The following DPP6 variants were observed in gnomAD, a reference collection of about 807,000 sequenced individuals.
The protein encoded by DPP6 is dipeptidyl peptidase like 6.
Under a neutral mutation model 122.6 loss-of-function variants are expected in DPP6, and 69 were observed. That is an observed-to-expected ratio of 0.56 (90% confidence interval 0.46 to 0.69). The LOEUF (loss-of-function observed/expected upper bound fraction) is 0.69, where lower values mean the gene tolerates loss of function less well. DPP6 is among the 30% of genes least tolerant of loss of function. The probability of loss-of-function intolerance (pLI) is 0.00; values close to 1 mark genes in which losing one functional copy is unlikely to be tolerated. For synonymous variants in DPP6, 418 were observed against 433.1 expected (o/e 0.97, Z 0.43); for missense variants, 928 against 1,116.9 (o/e 0.83, Z 2.41).
intron 5 of DPP6, among the ~76,000 whole-genome samples, chr7:154,608,339 A>AT: frequency 8.4e-6 from 1 of 118,778 alleles, no homozygotes; most frequent in South Asian, 3.1e-4. Context: ...ATATATATAT[A>AT]TATTTTGAGA....
chr7:154,530,966 G>T (rs1396088023), intron 3 of DPP6, among the ~76,000 whole-genome samples: 1 of 152,110 alleles, frequency 6.6e-6, no homozygotes, highest in African/African-American at 2.4e-5. Context: ...TGGACACATT[G>T]CAGGGAACAA....
chr7:154,342,973 A>G (rs1357036631), intron 1 of DPP6, among the ~76,000 whole-genome samples: 1 of 152,238 alleles, frequency 6.6e-6, no homozygotes, highest in Non-Finnish European at 1.5e-5. Flanking sequence ...TCCAGTGGCC[A>G]ATATTGATGT....
chr7:154,290,240 C>G (rs919187413), intron 1 of DPP6, among the ~76,000 whole-genome samples: 1 of 152,186 alleles, frequency 6.6e-6, no homozygotes, highest in South Asian at 2.1e-4. Flanking sequence ...AACATGTTCT[C>G]TCAATGATAC....
chr7:154,440,688 TAGA>T (rs1419435633), intron 1 of DPP6, among the ~76,000 whole-genome samples: 7 of 152,246 alleles, frequency 4.6e-5, no homozygotes, highest in African/African-American at 1.7e-4. Context: ...GGCTGCCTGA[TAGA>T]AGAAGAGATT....
rs1174414096 is a variant in DPP6, at chr7:154,638,965, C to G, written c.680+1092C>G. The stretch of plus-strand genomic sequence containing the variant: ...AGGTTGATAAAGAAACTGAATTGTG[C>G]TGCAGATAGTGTCATGTAGGCTCCT... On this transcript the variant is annotated intron_variant, in intron 6 of 25. Coordinates refer to ENST00000377770, the MANE Select transcript of DPP6 (RefSeq NM_130797.4). 4.6e-5 allele frequency among the ~76,000 whole-genome samples: 7 copies of G among 152,180 alleles called. No individual in the cohort carries two copies. The East Asian group carries it at 1.2e-3, about 25-fold the overall frequency.
intron 1 of DPP6, among the ~76,000 whole-genome samples, chr7:154,068,389 G>T (rs1450802935): frequency 1.4e-5 from 2 of 147,948 alleles, no homozygotes; most frequent in Non-Finnish European, 3.0e-5. Context: ...TGGCCTCAGG[G>T]AAGGCCTGGA....
At chr7:154,148,593 A>G (rs1329876389) in intron 1 of DPP6, among the ~76,000 whole-genome samples, 1 of 152,042 alleles carries the variant, frequency 6.6e-6, no homozygotes, top group Non-Finnish European at 1.5e-5. Flanking sequence ...TGCAGTGGGC[A>G]CTCTCCTGGC....
chr7:154,115,194 C>A (rs979630017), intron 1 of DPP6, among the ~76,000 whole-genome samples: 1 of 152,156 alleles, frequency 6.6e-6, no homozygotes, highest in African/African-American at 2.4e-5. Context: ...CCTTTGTGCC[C>A]TCAAAGGCAA....
At chr7:154,034,803 A>G (rs1414887045) in intron 1 of DPP6, among the ~76,000 whole-genome samples, 7 of 150,208 alleles carry the variant, frequency 4.7e-5, no homozygotes, top group Non-Finnish European at 7.4e-5. Flanking sequence ...CTTCCCTTCT[A>G]TCACTGACTC....
At position 154,483,867 on chromosome 7, in the gene DPP6, GTATTTT is replaced by G. The variant is rs1823555234; in HGVS notation, c.457+8833_457+8838del. Among the ~76,000 whole-genome samples, 1 of 152,114 alleles carries G rather than the reference GTATTTT, an allele frequency of 6.6e-6. No homozygotes were observed. The highest frequency in any genetic ancestry group is 6.5e-5 in the Admixed American group (1 of 15,274). ...ACACCATCACGCCTAGCTAATTTTT[GTATTTT>G]TAGCAGAGACAGGGTTTCCCCATAT... On this transcript the variant is annotated intron_variant, in intron 3 of 25. Transcript: ENST00000377770. The surrounding 1 kb of genome is among the most constrained non-coding windows in gnomAD (Gnocchi z 8.1).
intron 5 of DPP6, among the ~76,000 whole-genome samples, chr7:154,634,195 T>C (rs973202464): frequency 2.5e-5 from 3 of 118,998 alleles, no homozygotes; most frequent in Non-Finnish European, 4.9e-5. Context: ...TGGTGTGTGA[T>C]TTTCCCCTTC....
intron 4 of DPP6, among the ~76,000 whole-genome samples, chr7:154,549,593 T>C (rs922872746): frequency 6.6e-6 from 1 of 152,188 alleles, no homozygotes; most frequent in African/African-American, 2.4e-5. Flanking sequence ...TTCCCTCTTT[T>C]GATTAAAAAA....
intron 1 of DPP6, among the ~76,000 whole-genome samples, chr7:154,364,234 G>A (rs558604813): frequency 6.6e-6 from 1 of 152,234 alleles, no homozygotes; most frequent in East Asian, 1.9e-4. Context: ...AAGTGGCATA[G>A]TACATCATTT....
At chr7:154,754,622 C>T (rs1217950420) in intron 8 of DPP6, among the ~76,000 whole-genome samples, 1 of 152,210 alleles carries the variant, frequency 6.6e-6, no homozygotes, top group Non-Finnish European at 1.5e-5. Context: ...AAGTCAGTCT[C>T]AGTATAATTG....
chr7:153,841,065 C>T, the DPP6 span, among the ~76,000 whole-genome samples: 1 of 152,176 alleles, frequency 6.6e-6, no homozygotes, highest in African/African-American at 2.4e-5. Flanking sequence ...GCCCCAACCC[C>T]AGCACCTGTC....
At chr7:154,890,980 C>G (rs1347632500) in intron 25 of DPP6, 1 of 152,242 alleles carries the variant, frequency 6.6e-6, no homozygotes, top group Non-Finnish European at 1.5e-5. Flanking sequence ...GTAGTCCCTG[C>G]ACTTTGGGAG....
intron 1 of DPP6, among the ~76,000 whole-genome samples, chr7:154,268,782 A>G (rs1416563125): frequency 6.6e-6 from 1 of 152,016 alleles, no homozygotes; most frequent in East Asian, 1.9e-4. Flanking sequence ...TCCTTTATTC[A>G]GAAACTTTCT....
intron 1 of DPP6, among the ~76,000 whole-genome samples, chr7:154,231,151 G>T (rs1251521303): frequency 1.3e-5 from 2 of 152,132 alleles, no homozygotes; most frequent in Admixed American, 6.5e-5. Flanking sequence ...TCTTGACAGG[G>T]TCCTCTTTAC....
At chr7:154,230,587 C>G (rs1800865106) in intron 1 of DPP6, among the ~76,000 whole-genome samples, 1 of 152,204 alleles carries the variant, frequency 6.6e-6, no homozygotes, top group African/African-American at 2.4e-5. Flanking sequence ...AGTTGAGGGG[C>G]TGGTGAAGGG....
Sources: gnomAD v4.1 joint callset for allele counts (sites outside exome capture counted in the v4.1 genomes callset) on GRCh38, gnomAD v4.1.1 for gene constraint, Gnocchi (gnomAD v3.1) non-coding constraint, MANE v1.5 for transcripts, NCBI Gene and HGNC (gene_info 2026-07-23, HGNC 2026-07-21) for gene names.